The following NEU3 variants were observed in gnomAD, a reference collection of about 807,000 sequenced individuals.
The protein encoded by NEU3 is neuraminidase 3.
A neutral mutation model predicts 11.4 loss-of-function variants in NEU3; 10 were observed. That is an observed-to-expected ratio of 0.88 (90% CI 0.54 to 1.49). The LOEUF is 1.49. Ranked by LOEUF, NEU3 falls within the 40% of genes most tolerant of loss-of-function variation. The probability of loss-of-function intolerance (pLI) is 0.00; values close to 1 mark genes in which losing one functional copy is unlikely to be tolerated. For missense variants in NEU3, 529 were observed against 581.8 expected (o/e 0.91, Z 0.93); for synonymous variants, 212 against 228.2 (o/e 0.93, Z 0.64).
intron 2 of NEU3, among the ~76,000 whole-genome samples, chr11:75,002,476 A>G (rs1331959780): frequency 6.6e-6 from 1 of 152,222 alleles, no homozygotes; most frequent in Non-Finnish European, 1.5e-5. Flanking sequence ...GGCAATCACT[A>G]TTGTTTCTTG....
At chr11:74,990,177 T>C (rs1948714789) in intron 1 of NEU3, 1 of 610,052 alleles carries the variant, frequency 1.6e-6, no homozygotes, top group East Asian at 2.8e-5. Flanking sequence ...TTTTGAGTGG[T>C]TCTTCATATT....
chr11:74,990,688 C>G (rs1483239332), intron 1 of NEU3, among the ~76,000 whole-genome samples: 4 of 152,118 alleles, frequency 2.6e-5, no homozygotes, highest in African/African-American at 7.2e-5. Flanking sequence ...AGCCCTAACC[C>G]GCTCCATGCC....
At chr11:74,982,654 T>C in the NEU3 span, among the ~76,000 whole-genome samples, 2 of 152,112 alleles carry the variant, frequency 1.3e-5, no homozygotes, top group Admixed American at 6.5e-5. Flanking sequence ...CTATCCTCCT[T>C]GGCCCCATGG....
At chr11:74,983,704 G>A (rs1948651931), upstream of NEU3, among the ~76,000 whole-genome samples, 1 of 152,210 alleles carries the variant, frequency 6.6e-6, no homozygotes, top group South Asian at 2.1e-4. Context: ...CCTCAGCTCT[G>A]GATGGCACTT....
chr11:74,985,386 G>A (rs995359873), upstream of NEU3, among the ~76,000 whole-genome samples: 8 of 151,910 alleles, frequency 5.3e-5, no homozygotes, highest in Non-Finnish European at 7.4e-5. Context: ...TTTATTATTC[G>A]TAAGCATTTT....
At chr11:74,983,850 G>A (rs1948652410), upstream of NEU3, among the ~76,000 whole-genome samples, 1 of 152,106 alleles carries the variant, frequency 6.6e-6, no homozygotes, top group Non-Finnish European at 1.5e-5. Flanking sequence ...CCGAGTACAG[G>A]GTCAATACAG....
At chr11:74,999,213 C>G (rs1030846263) in intron 2 of NEU3, among the ~76,000 whole-genome samples, 1 of 152,130 alleles carries the variant, frequency 6.6e-6, no homozygotes, top group Non-Finnish European at 1.5e-5. Context: ...CAGGCTTGAT[C>G]ATTGCATACT....
chr11:75,012,963 G>A (rs531456352), downstream of NEU3, among the ~76,000 whole-genome samples: 1 of 152,294 alleles, frequency 6.6e-6, no homozygotes, highest in South Asian at 2.1e-4. Context: ...CCAATCACTA[G>A]GAGCTTTAAT....
chr11:74,990,591 C>T (rs1309487835), intron 1 of NEU3, among the ~76,000 whole-genome samples: 4 of 152,100 alleles, frequency 2.6e-5, no homozygotes, highest in Non-Finnish European at 5.9e-5. Flanking sequence ...AACTCCTGAC[C>T]TCAAGTGATC....
chr11:74,984,878 C>G (rs575252783), upstream of NEU3, among the ~76,000 whole-genome samples: 2 of 152,150 alleles, frequency 1.3e-5, no homozygotes, highest in South Asian at 4.2e-4. Flanking sequence ...GGTCCTCATA[C>G]AGGAAGTGAA....
intron 2 of NEU3, among the ~76,000 whole-genome samples, chr11:75,002,794 A>G (rs922605301): frequency 2.0e-5 from 3 of 152,218 alleles, no homozygotes; most frequent in Non-Finnish European, 4.4e-5. Context: ...GTTGATTTAT[A>G]GCCCTAGAGT....
chr11:74,994,838 G>A, intron 2 of NEU3, 118 bp downstream of exon 2: 1 of 1,003,554 alleles, frequency 1.0e-6, no homozygotes, highest in Non-Finnish European at 1.5e-6. Context: ...GGGAGCAGAG[G>A]CAGAAAAAAC....
chr11:74,985,034 C>T (rs1948657108), upstream of NEU3, among the ~76,000 whole-genome samples: 1 of 152,118 alleles, frequency 6.6e-6, no homozygotes, highest in African/African-American at 2.4e-5. Context: ...ATAGAAATTG[C>T]TCTTTAACTT....
chr11:74,999,968 T>TA (rs1948826621), intron 2 of NEU3, among the ~76,000 whole-genome samples: 1 of 152,210 alleles, frequency 6.6e-6, no homozygotes, highest in African/African-American at 2.4e-5. Flanking sequence ...CCTTGAAAAT[T>TA]GTGATTACTG....
intron 2 of NEU3, among the ~76,000 whole-genome samples, chr11:75,002,717 G>A (rs546912454): frequency 6.6e-6 from 1 of 152,304 alleles, no homozygotes; most frequent in African/African-American, 2.4e-5. Context: ...ATAGAATGTC[G>A]TCAGCATCTG....
chr11:75,010,108 C>T lies in NEU3; in HGVS notation c.*3616C>T, dbSNP rs1336497771. 6.6e-6 allele frequency: 1 copy of T among 152,262 alleles called. No homozygotes were observed. The highest frequency in any genetic ancestry group is 1.5e-5 in the Non-Finnish European group (1 of 68,094). The allele number at this position is 152,262 out of a possible 1,614,324, so 9.4% of individuals were successfully genotyped here. On this transcript the variant is annotated 3_prime_UTR_variant, in exon 3 of 3. Coordinates refer to ENST00000294064, the MANE Select transcript of NEU3 (RefSeq NM_006656.6). ...TCTCTGCAGTGCCAGAATTCACAGTCTGGGCCTCCCTTTGGTCCTTACCAT... is the reference window on the plus strand; with the variant it reads ...TCTCTGCAGTGCCAGAATTCACAGTTTGGGCCTCCCTTTGGTCCTTACCAT...
rs1269660038 is a variant in NEU3, at chr11:75,004,027, A to G, written c.307-1386A>G. Among the ~76,000 whole-genome samples, 3 of 152,232 alleles carry G rather than the reference A, an allele frequency of 2.0e-5. 1 individual carries two copies. The South Asian group carries it at 6.2e-4, about 31-fold the overall frequency. On this transcript the variant is annotated intron_variant, in intron 2 of 2. Coordinates refer to ENST00000294064, the MANE Select transcript of NEU3 (RefSeq NM_006656.6). ...TTGTAGTATTCTGCTACTTCAAGCAATGCTACATTTGAATAATCTTATACA... is the reference window on the plus strand; with the variant it reads ...TTGTAGTATTCTGCTACTTCAAGCAGTGCTACATTTGAATAATCTTATACA...
chr11:75,012,617 TATATC>T (rs753221714), downstream of NEU3, among the ~76,000 whole-genome samples: 84 of 152,316 alleles, frequency 5.5e-4, 1 homozygote, highest in Non-Finnish European at 3.1e-4. Context: ...CACAATGTAA[TATATC>T]AGAAGACAGC....
chr11:75,015,556 A>T (rs1948976982), downstream of NEU3, among the ~76,000 whole-genome samples: 1 of 152,158 alleles, frequency 6.6e-6, no homozygotes, highest in African/African-American at 2.4e-5. Flanking sequence ...TAAATCTGGG[A>T]TGGGACCTGA....
Sources: gnomAD v4.1 joint callset for allele counts (sites outside exome capture counted in the v4.1 genomes callset) on GRCh38, gnomAD v4.1.1 for gene constraint, MANE v1.5 for transcripts, NCBI Gene and HGNC (gene_info 2026-07-23, HGNC 2026-07-21) for gene names.